Variants in IL1RAPL2 observed in about 807,000 individuals in gnomAD.
IL1RAPL2 encodes the protein interleukin 1 receptor accessory protein like 2.
A neutral mutation model predicts 44.1 loss-of-function variants in IL1RAPL2; 3 were observed. The observed-to-expected ratio is 0.07, with a 90% CI of 0.03 to 0.18. IL1RAPL2 has a LOEUF of 0.18. Among genes scored for constraint, IL1RAPL2 ranks in the 10% least tolerant of loss-of-function variants. IL1RAPL2 has a pLI of 1.00. For missense variants in IL1RAPL2, 391 were observed against 496.4 expected (o/e 0.79, Z 2.02); for synonymous variants, 181 against 178.8 (o/e 1.01, Z -0.10).
At chrX:104,915,636 C>G (rs767756855) in intron 2 of IL1RAPL2, among the ~76,000 whole-genome samples, 100 of 109,363 alleles carry the variant, frequency 9.1e-4, no homozygotes, top group African/African-American at 3.2e-3. Flanking sequence ...GACATGAAGT[C>G]CTTGCCCATG....
At chrX:104,758,043 G>A (rs750247260) in intron 2 of IL1RAPL2, among the ~76,000 whole-genome samples, 3 of 111,766 alleles carry the variant, frequency 2.7e-5, no homozygotes, top group Admixed American at 9.5e-5. Context: ...GTGCCTGGAC[G>A]GTAAAGAATA....
At chrX:105,139,854 T>C (rs1394365763) in intron 2 of IL1RAPL2, among the ~76,000 whole-genome samples, 1 of 112,263 alleles carries the variant, frequency 8.9e-6, no homozygotes, top group Non-Finnish European at 1.9e-5. Context: ...CAAACCGTCA[T>C]TGAATGCGAC....
chrX:104,918,414 G>T (rs1443205073), intron 2 of IL1RAPL2, among the ~76,000 whole-genome samples: 4 of 110,899 alleles, frequency 3.6e-5, no homozygotes, highest in Non-Finnish European at 5.7e-5. Context: ...CATGTTAACT[G>T]GAAAAAAAAC....
chrX:105,093,237 T>C (rs2032566483), intron 2 of IL1RAPL2, among the ~76,000 whole-genome samples: 2 of 111,141 alleles, frequency 1.8e-5, no homozygotes, highest in African/African-American at 3.3e-5. Context: ...AGGGGCCTAT[T>C]TTTTATGGTC....
chrX:104,750,204 G>A (rs1932235486), intron 2 of IL1RAPL2, among the ~76,000 whole-genome samples: 1 of 111,496 alleles, frequency 9.0e-6, no homozygotes, highest in South Asian at 3.8e-4. Context: ...TGAGATGGTA[G>A]TTCTTTTAAT....
intron 2 of IL1RAPL2, among the ~76,000 whole-genome samples, chrX:105,118,892 T>A (rs1426385556): frequency 8.9e-6 from 1 of 111,870 alleles, no homozygotes; most frequent in African/African-American, 3.2e-5. Context: ...GTGCTTCTGG[T>A]TTTTGTTTGT....
chrX:104,761,536 C>G (rs894082720), intron 2 of IL1RAPL2, among the ~76,000 whole-genome samples: 1 of 108,629 alleles, frequency 9.2e-6, no homozygotes, highest in African/African-American at 3.5e-5. Flanking sequence ...TTTCAAAACA[C>G]AATCATGCCT....
At chrX:104,655,098 G>A (rs937109209) in intron 1 of IL1RAPL2, among the ~76,000 whole-genome samples, 2 of 111,415 alleles carry the variant, frequency 1.8e-5, no homozygotes, top group African/African-American at 6.5e-5. Context: ...TTTTCTAAAT[G>A]TACAATCATG....
intron 2 of IL1RAPL2, among the ~76,000 whole-genome samples, chrX:104,875,745 C>T (rs1003145728): frequency 1.8e-5 from 2 of 111,953 alleles, no homozygotes; most frequent in African/African-American, 6.5e-5. Context: ...ATCCACCTTA[C>T]ACACATACAG....
chrX:104,751,648 GA>G (rs748873193), intron 2 of IL1RAPL2, among the ~76,000 whole-genome samples: 4 of 111,388 alleles, frequency 3.6e-5, no homozygotes, highest in Non-Finnish European at 3.8e-5. Context: ...ATGGATCAGG[GA>G]AAACCACTGT....
chrX:105,140,672 A>T (rs889867916), intron 2 of IL1RAPL2, among the ~76,000 whole-genome samples: 2 of 112,842 alleles, frequency 1.8e-5, no homozygotes, highest in Non-Finnish European at 3.7e-5. Flanking sequence ...AGGAGAGTTT[A>T]TGGAAAAATT....
At chrX:104,672,683 C>A (rs780141540) in intron 2 of IL1RAPL2, among the ~76,000 whole-genome samples, 7 of 102,774 alleles carry the variant, frequency 6.8e-5, no homozygotes, top group Non-Finnish European at 1.2e-4. Flanking sequence ...CTGACTTCCA[C>A]AATGGTTGAA....
chrX:105,018,846 G>A (rs775192383), intron 2 of IL1RAPL2, among the ~76,000 whole-genome samples: 4 of 111,327 alleles, frequency 3.6e-5, no homozygotes, highest in Non-Finnish European at 7.6e-5. Flanking sequence ...AAATTACCAA[G>A]GCCCTTGTTT....
intron 6 of IL1RAPL2, among the ~76,000 whole-genome samples, chrX:105,642,949 G>C (rs892678453): frequency 8.9e-6 from 1 of 112,926 alleles, no homozygotes; most frequent in African/African-American, 3.2e-5. Context: ...ACATACCTTA[G>C]AATTAATTAT....
Position 105,337,023 on chromosome X carries a change from A to G in IL1RAPL2, c.697+69482A>G, listed in dbSNP as rs748107048. Among the ~76,000 whole-genome samples the G allele has an allele frequency of 5.4e-5, 6 of 111,766 alleles. 1 individual carries two copies. The Admixed American group carries it at 5.7e-4, about 11-fold the overall frequency. On this transcript the variant is annotated intron_variant, in intron 5 of 10. Coordinates refer to ENST00000372582, the MANE Select transcript of IL1RAPL2 (RefSeq NM_017416.2). ...ACCTTATTTTAGACCAGTAATTACA[A>G]ACTGACAGCCTGCAGGCCATATGTG... is the stretch of plus-strand genomic sequence containing the variant.
chrX:105,193,933 T>A (rs1481768448), intron 2 of IL1RAPL2, among the ~76,000 whole-genome samples: 1 of 111,731 alleles, frequency 9.0e-6, no homozygotes, highest in African/African-American at 3.3e-5. Flanking sequence ...ACAGCCCACG[T>A]GCAGCAGGCC....
chrX:104,858,231 T>C (rs773892961), intron 2 of IL1RAPL2, among the ~76,000 whole-genome samples: 6 of 111,712 alleles, frequency 5.4e-5, no homozygotes, highest in Non-Finnish European at 1.1e-4. Flanking sequence ...TCATTCTTGG[T>C]ACCCTAATAT....
At chrX:104,602,481 C>T (rs765468768) in intron 1 of IL1RAPL2, among the ~76,000 whole-genome samples, 27 of 111,280 alleles carry the variant, frequency 2.4e-4, no homozygotes, top group African/African-American at 6.8e-4. Context: ...GAGACAGAAT[C>T]AATTACTCCC....
chrX:105,236,057 G>T (rs1236273198), intron 4 of IL1RAPL2, among the ~76,000 whole-genome samples: 1 of 112,270 alleles, frequency 8.9e-6, no homozygotes, highest in Non-Finnish European at 1.9e-5. Context: ...CCTGGCCAAA[G>T]AAAGAAAAAG....
Sources: gnomAD v4.1 joint callset for allele counts (sites outside exome capture counted in the v4.1 genomes callset) on GRCh38, gnomAD v4.1.1 for gene constraint, MANE v1.5 for transcripts, NCBI Gene and HGNC (gene_info 2026-07-23, HGNC 2026-07-21) for gene names.